DAGLA: variants seen among roughly 807,000 people sequenced by gnomAD.
DAGLA encodes the protein diacylglycerol lipase-alpha.
DAGLA carries 22 observed loss-of-function variants against 102.6 expected under a neutral mutation model. That is an observed-to-expected ratio of 0.21 (90% CI 0.15 to 0.31). The LOEUF (loss-of-function observed/expected upper bound fraction) is 0.31, where lower values mean the gene tolerates loss of function less well. Among genes scored for constraint, DAGLA ranks in the 10% least tolerant of loss-of-function variants. The pLI is 1.00. For synonymous variants in DAGLA, 578 were observed against 628.9 expected (o/e 0.92, Z 1.21); for missense variants, 927 against 1,446.6 (o/e 0.64, Z 5.83).
intron 1 of DAGLA, among the ~76,000 whole-genome samples, chr11:61,683,202 C>CT (rs2064959066): frequency 6.6e-6 from 1 of 152,210 alleles, no homozygotes; most frequent in Admixed American, 6.5e-5. Flanking sequence ...AGTTTTTGCC[C>CT]TGTGCCCAGG....
intron 14 of DAGLA, 105 bp downstream of exon 14, chr11:61,737,429 A>G: frequency 6.6e-7 from 1 of 1,520,852 alleles, no homozygotes; most frequent in Non-Finnish European, 9.0e-7. Flanking sequence ...TTCTGGTCAC[A>G]TGGAGGTCTG....
At position 61,709,251 on chromosome 11, in the gene DAGLA, A is replaced by G. The variant is rs550690634; in HGVS notation, c.-44-10861A>G. Among the ~76,000 whole-genome samples the G allele has an allele frequency of 1.7e-3, 266 of 152,280 alleles. 6 individuals are homozygous for G. In the South Asian group the frequency reaches 0.03, roughly 17 times the overall value. On this transcript the variant is annotated intron_variant, in intron 1 of 19. Coordinates refer to ENST00000257215, the MANE Select transcript of DAGLA (RefSeq NM_006133.3). Reference sequence around the variant, plus strand: ...TTGTTTGTTTTTTGAGACAGAGTCTAGTTCTGTCACCTAGAGCTATTTTGG... The same window carrying G: ...TTGTTTGTTTTTTGAGACAGAGTCTGGTTCTGTCACCTAGAGCTATTTTGG...
At chr11:61,729,363 T>C (rs2065356196) in intron 8 of DAGLA, among the ~76,000 whole-genome samples, 1 of 152,216 alleles carries the variant, frequency 6.6e-6, no homozygotes, top group African/African-American at 2.4e-5. Flanking sequence ...TCCAAGCTTT[T>C]TTAGTAGTGG....
chr11:61,723,060 G>A (rs1214327394), intron 4 of DAGLA, 100 bp downstream of exon 4: 3 of 981,698 alleles, frequency 3.1e-6, no homozygotes, highest in South Asian at 1.4e-5. Context: ...CCAGAGGGCA[G>A]TGCCTTCTGT....
intron 1 of DAGLA, among the ~76,000 whole-genome samples, chr11:61,705,446 A>G (rs1326409997): frequency 6.6e-6 from 1 of 151,834 alleles, no homozygotes; most frequent in Non-Finnish European, 1.5e-5. Flanking sequence ...CCAGGCCTCC[A>G]CTGTCCTCAC....
chr11:61,724,130 T>C (rs1044436292), intron 5 of DAGLA, among the ~76,000 whole-genome samples: 2 of 152,032 alleles, frequency 1.3e-5, no homozygotes, highest in African/African-American at 2.4e-5. Context: ...GATTCAGAGA[T>C]TGGGAGAGGC....
intron 1 of DAGLA, among the ~76,000 whole-genome samples, chr11:61,709,280 G>A (rs1013186951): frequency 1.3e-5 from 2 of 152,152 alleles, no homozygotes; most frequent in Admixed American, 6.5e-5. Context: ...ATTTTGGGAG[G>A]CCAAGGCTGG....
intron 16 of DAGLA, among the ~76,000 whole-genome samples, chr11:61,738,850 C>T (rs552227963): frequency 4.6e-5 from 7 of 151,800 alleles, no homozygotes; most frequent in East Asian, 3.9e-4. Flanking sequence ...CTGCCCCGGG[C>T]GAGCCCTCAG....
intron 9 of DAGLA, among the ~76,000 whole-genome samples, chr11:61,731,673 A>G (rs967617541): frequency 6.6e-6 from 1 of 152,222 alleles, no homozygotes; most frequent in Non-Finnish European, 1.5e-5. Context: ...GCCTGGGGCA[A>G]GTGGGTCCAC....
chr11:61,688,691 G>A (rs2065003659), intron 1 of DAGLA, among the ~76,000 whole-genome samples: 1 of 152,198 alleles, frequency 6.6e-6, no homozygotes, highest in South Asian at 2.1e-4. Flanking sequence ...TCTCCCACAT[G>A]CAGCCTAACT....
rs1442295701 is a variant in DAGLA at position 61,720,162 on chromosome 11, G to A, written c.7G>A (p.Gly3Arg). Reference sequence around the variant, plus strand: ...CTCTGCAGAGCCACCAGCCATGCCCGGGATCGTGGTGTTCCGGCGGCGCTG... The same window carrying A: ...CTCTGCAGAGCCACCAGCCATGCCCAGGATCGTGGTGTTCCGGCGGCGCTG... MP[G>R]IVVFRRRWSV... Residue 3 changes from glycine (G) to arginine (R), a missense_variant, in exon 2 of 20, where the codon GGG (glycine) becomes AGG (arginine). Physicochemically the swap from Gly to Arg is moderately radical, Grantham distance 125. Coordinates refer to ENST00000257215, the MANE Select transcript of DAGLA (RefSeq NM_006133.3). 4 of 1,612,678 alleles carry A rather than the reference G, an allele frequency of 2.5e-6. No individual in the cohort carries two copies. The highest frequency in any genetic ancestry group is 1.1e-5 in the South Asian group (1 of 91,092).
At chr11:61,698,560 G>T (rs1164789966) in intron 1 of DAGLA, among the ~76,000 whole-genome samples, 10 of 152,192 alleles carry the variant, frequency 6.6e-5, no homozygotes, top group Admixed American at 3.3e-4. Flanking sequence ...CCAAAGGAAA[G>T]GAAACCTCGT....
chr11:61,682,704 G>C (rs1486221170), intron 1 of DAGLA, among the ~76,000 whole-genome samples: 2 of 152,160 alleles, frequency 1.3e-5, no homozygotes, highest in African/African-American at 4.8e-5. Context: ...TTTGGCTCTG[G>C]GTTCTGAGAA....
At chr11:61,711,909 G>T (rs2065197218) in intron 1 of DAGLA, among the ~76,000 whole-genome samples, 1 of 152,118 alleles carries the variant, frequency 6.6e-6, no homozygotes. Flanking sequence ...CATAATACAG[G>T]GCATAAGAGG....
Position 61,743,932 on chromosome 11 carries a change from G to A in DAGLA, c.2572G>A (p.Ala858Thr), listed in dbSNP as rs1259663068. ...CTCACAGGACACGCAGCCCCTGGAG[G>A]CGGCCCTGGGCAGTGGCGGCGTCAC... Reference protein sequence around the residue: ...KHSQDTQPLEAALGSGGVTPE... With the variant: ...KHSQDTQPLETALGSGGVTPE... The change falls in exon 20 of 20, where the codon GCG becomes ACG. Residue 858 changes from alanine (A) to threonine (T), a missense_variant. Around this residue, in one of 4 missense-constraint regions of DAGLA, gnomAD observed 434 missense variants for 503.3 expected, o/e 0.86. Coordinates refer to ENST00000257215, the MANE Select transcript of DAGLA (RefSeq NM_006133.3). 6.2e-7 allele frequency: 1 copy of A among 1,612,068 alleles called. No individual in the cohort carries two copies. The highest frequency in any genetic ancestry group is 1.1e-5 in the South Asian group (1 of 91,054).
At chr11:61,706,235 A>G (rs569462381) in intron 1 of DAGLA, among the ~76,000 whole-genome samples, 39 of 152,328 alleles carry the variant, frequency 2.6e-4, no homozygotes, top group African/African-American at 9.1e-4. Flanking sequence ...TCAGGATCAA[A>G]TGGCTTTGGA....
At position 61,743,843 on chromosome 11, in the gene DAGLA, C is replaced by T. The variant is rs772542753; in HGVS notation, c.2483C>T (p.Pro828Leu). 6.2e-7 allele frequency: 1 copy of T among 1,612,430 alleles called. No individual in the cohort carries two copies. Among genetic ancestry groups the T allele is most frequent in the Non-Finnish European group, 8.5e-7 (1 of 1,179,934 alleles). ...GHLFYIDPAI[P>L]EENPSLSSRT... The stretch of plus-strand genomic sequence containing the variant: ...CTCTTCTACATTGACCCTGCCATCC[C>T]CGAGGAAAACCCATCCCTGAGCTCG... The change falls in exon 20 of 20, where the codon CCC becomes CTC. Residue 828 changes from proline (P) to leucine (L), a missense_variant. Coordinates refer to ENST00000257215, the MANE Select transcript of DAGLA (RefSeq NM_006133.3).
intron 1 of DAGLA, among the ~76,000 whole-genome samples, chr11:61,703,678 A>AATGGATGGATGGATGGATGGATGG (rs10664991): frequency 2.7e-5 from 4 of 149,460 alleles, no homozygotes; most frequent in African/African-American, 9.9e-5. Context: ...AGGATGGAGG[A>AATGGATGGATGGATGGATGGATGG]ATGGATGGAT....
chr11:61,721,496 C>T (rs2903825), intron 3 of DAGLA, among the ~76,000 whole-genome samples: 21,431 of 152,268 alleles, frequency 0.14, 1,647 homozygotes, highest in East Asian at 0.27. Context: ...GTTACTACAG[C>T]GACTGTAGGA....
Sources: allele counts gnomAD v4.1 joint callset (sites outside exome capture counted in the v4.1 genomes callset), GRCh38; gene constraint gnomAD v4.1.1; regional missense constraint gnomAD v4.1.1; transcripts MANE v1.5; gene names NCBI Gene and HGNC (gene_info 2026-07-23, HGNC 2026-07-21).